Variants in ATP8A2 observed in about 807,000 individuals in gnomAD.
ATP8A2 encodes ATPase phospholipid transporting 8A2, also known as phospholipid-transporting ATPase IB.
Under a neutral mutation model 165.6 loss-of-function variants are expected in ATP8A2, and 100 were observed. The observed-to-expected ratio is 0.60, with a 90% CI of 0.51 to 0.71. ATP8A2 has a LOEUF of 0.71. Among genes scored for constraint, ATP8A2 ranks in the 30% least tolerant of loss-of-function variants. The pLI is 0.00. For synonymous variants in ATP8A2, 543 were observed against 548.8 expected (o/e 0.99, Z 0.15); for missense variants, 1,227 against 1,479.5 (o/e 0.83, Z 2.80).
intron 24 of ATP8A2, among the ~76,000 whole-genome samples, chr13:25,599,631 C>T (rs1308915551): frequency 6.6e-6 from 1 of 152,158 alleles, no homozygotes; most frequent in Non-Finnish European, 1.5e-5. Flanking sequence ...TTTATTGCCC[C>T]TAGTGTGTGG....
intron 24 of ATP8A2, among the ~76,000 whole-genome samples, chr13:25,682,185 A>G (rs2042503843): frequency 6.6e-6 from 1 of 152,184 alleles, no homozygotes; most frequent in Admixed American, 6.5e-5. Context: ...TGCAGCTTTC[A>G]TGAAGTTGCT....
chr13:25,597,204 A>C (rs1181283045), intron 24 of ATP8A2, among the ~76,000 whole-genome samples: 1 of 152,180 alleles, frequency 6.6e-6, no homozygotes, highest in East Asian at 1.9e-4. Context: ...TTTTTTACCA[A>C]TCTTTGTCTT....
intron 24 of ATP8A2, among the ~76,000 whole-genome samples, chr13:25,613,753 A>G (rs2040751824): frequency 6.6e-6 from 1 of 152,182 alleles, no homozygotes; most frequent in Non-Finnish European, 1.5e-5. Context: ...TTAAGGAGCT[A>G]AAGATAGGAC....
At chr13:25,492,858 A>G (rs34362828) in intron 2 of ATP8A2, among the ~76,000 whole-genome samples, 11,742 of 152,104 alleles carry the variant, frequency 0.077, 643 homozygotes, top group African/African-American at 0.15. Context: ...TCCTTTGGCA[A>G]AAGAAGAAAC....
chr13:25,522,001 G>T (rs2037686825), intron 2 of ATP8A2, among the ~76,000 whole-genome samples: 1 of 152,110 alleles, frequency 6.6e-6, no homozygotes, highest in African/African-American at 2.4e-5. Flanking sequence ...TTCTGTTTCT[G>T]TGAAGAATAT....
rs560743103 is a variant in ATP8A2 at position 25,532,955 on chromosome 13, T to C, written c.467-318T>C. On this transcript the variant is annotated intron_variant, in intron 5 of 36. Coordinates refer to ENST00000381655, the MANE Select transcript of ATP8A2 (RefSeq NM_016529.6). The stretch of plus-strand genomic sequence containing the variant: ...TGTTAGGATTACAGGTATGAGCCAC[T>C]GCGCCCAGCTGTTCAGTTTTTTTTA... Among the ~76,000 whole-genome samples the C allele has an allele frequency of 6.2e-4, 94 of 152,198 alleles. 1 individual carries two copies. The highest frequency in any genetic ancestry group is 9.0e-4 in the Non-Finnish European group (61 of 68,044).
intron 33 of ATP8A2, among the ~76,000 whole-genome samples, chr13:25,934,741 G>A (rs1287412606): frequency 6.6e-6 from 1 of 152,192 alleles, no homozygotes; most frequent in East Asian, 1.9e-4. Flanking sequence ...TCTTTCAGCT[G>A]TGTCTTGAAG....
intron 1 of ATP8A2, among the ~76,000 whole-genome samples, chr13:25,409,177 C>T (rs1449587847): frequency 6.6e-6 from 1 of 152,160 alleles, no homozygotes; most frequent in African/African-American, 2.4e-5. Context: ...AGCCCTGGTA[C>T]ATGCTGTCTA....
At chr13:25,605,795 ACATTG>A (rs2040501578) in intron 24 of ATP8A2, among the ~76,000 whole-genome samples, 4 of 152,092 alleles carry the variant, frequency 2.6e-5, no homozygotes, top group South Asian at 4.1e-4. Context: ...TTACTTTTGG[ACATTG>A]AGGTTGTTTC....
chr13:25,554,925 T>C, intron 12 of ATP8A2, 66 bp from the exon 13 acceptor site: 1 of 1,027,098 alleles, frequency 9.7e-7, no homozygotes, highest in Non-Finnish European at 1.5e-6. Flanking sequence ...TTTTCTGTGT[T>C]AATCTGAATG....
intron 25 of ATP8A2, among the ~76,000 whole-genome samples, chr13:25,723,510 C>A (rs574770364): frequency 1.3e-5 from 2 of 152,272 alleles, no homozygotes; most frequent in African/African-American, 4.8e-5. Flanking sequence ...CCTGGCAGAT[C>A]TTTTACCTCC....
At chr13:25,981,546 A>C (rs1213589465) in intron 35 of ATP8A2, among the ~76,000 whole-genome samples, 1 of 152,234 alleles carries the variant, frequency 6.6e-6, no homozygotes, top group Non-Finnish European at 1.5e-5. Flanking sequence ...TTAATCTGAG[A>C]TCCTGACAGA....
At chr13:25,433,741 A>G (rs1420136628) in intron 1 of ATP8A2, among the ~76,000 whole-genome samples, 3 of 152,214 alleles carry the variant, frequency 2.0e-5, no homozygotes, top group Non-Finnish European at 4.4e-5. Context: ...GTGCCCATCA[A>G]CGGTTGACTG....
intron 33 of ATP8A2, among the ~76,000 whole-genome samples, chr13:25,941,904 G>A (rs949030251): frequency 6.6e-6 from 1 of 152,038 alleles, no homozygotes; most frequent in Non-Finnish European, 1.5e-5. Context: ...AGTCTCCTTC[G>A]TTGTCCTCCC....
chr13:25,940,158 G>T (rs1292439926), intron 33 of ATP8A2, among the ~76,000 whole-genome samples: 1 of 151,628 alleles, frequency 6.6e-6, no homozygotes, highest in East Asian at 2.0e-4. Flanking sequence ...CAGCTTCCAG[G>T]GGCTGGACTC....
intron 33 of ATP8A2, among the ~76,000 whole-genome samples, chr13:25,919,945 C>T (rs905679141): frequency 1.3e-5 from 2 of 151,904 alleles, no homozygotes; most frequent in East Asian, 3.9e-4. Context: ...TACTACAAGG[C>T]CTGGCTAATT....
intron 24 of ATP8A2, among the ~76,000 whole-genome samples, chr13:25,683,942 T>C (rs1332713078): frequency 1.4e-4 from 21 of 152,238 alleles, no homozygotes. Context: ...CATTTTCATA[T>C]TTCTTCCTTA....
At chr13:25,799,298 T>G (rs977949950) in intron 27 of ATP8A2, among the ~76,000 whole-genome samples, 2 of 152,148 alleles carry the variant, frequency 1.3e-5, no homozygotes, top group Admixed American at 6.5e-5. Context: ...GCTACTTTCC[T>G]TTTGGGGTAG....
Position 25,652,771 on chromosome 13 carries a change from G to A in ATP8A2, c.2212-46402G>A, listed in dbSNP as rs150843747. On this transcript the variant is annotated intron_variant, in intron 24 of 36. Transcript: ENST00000381655. ...TTTCTTTCAGTAGAGTTTTTAAAGCGCACTCTGCCTTTTGGCTCTGCTGAG... is the reference window on the plus strand; with the variant it reads ...TTTCTTTCAGTAGAGTTTTTAAAGCACACTCTGCCTTTTGGCTCTGCTGAG... Among the ~76,000 whole-genome samples, 81 of 152,230 alleles carry A rather than the reference G, an allele frequency of 5.3e-4. No homozygotes were observed. The East Asian group carries it at 0.013, about 24-fold the overall frequency.
Sources: gnomAD v4.1 joint callset for allele counts (sites outside exome capture counted in the v4.1 genomes callset) on GRCh38, gnomAD v4.1.1 for gene constraint, MANE v1.5 for transcripts, NCBI Gene and HGNC (gene_info 2026-07-23, HGNC 2026-07-21) for gene names.